The following C1QTNF3 variants were observed in gnomAD, a reference collection of about 807,000 sequenced individuals.
The protein encoded by C1QTNF3 is complement C1q tumor necrosis factor-related protein 3.
Under a neutral mutation model 32.6 loss-of-function variants are expected in C1QTNF3, and 26 were observed. That is an observed-to-expected ratio of 0.80 (90% CI 0.58 to 1.11). C1QTNF3 has a LOEUF of 1.11. Ranked by LOEUF, C1QTNF3 falls within the 50% of genes least tolerant of loss-of-function variation. C1QTNF3 has a pLI of 0.00. For missense variants in C1QTNF3, 362 were observed against 398.2 expected, an observed-to-expected ratio of 0.91 and a Z score of 0.77; for synonymous variants, 155 against 146.0, an observed-to-expected ratio of 1.06 and a Z score of -0.44.
the C1QTNF3 span, among the ~76,000 whole-genome samples, chr5:34,189,857 G>A: frequency 5.3e-5 from 8 of 151,234 alleles, no homozygotes; most frequent in East Asian, 1.9e-4. Context: ...ACAAACACCC[G>A]GACACTCGAC....
chr5:34,142,552 G>C, the C1QTNF3 span, among the ~76,000 whole-genome samples: 1 of 152,096 alleles, frequency 6.6e-6, no homozygotes, highest in African/African-American at 2.4e-5. Flanking sequence ...TCACACTGCA[G>C]AGCATGGCTG....
the C1QTNF3 span, among the ~76,000 whole-genome samples, chr5:34,154,190 G>T: frequency 1.3e-5 from 2 of 152,074 alleles, no homozygotes; most frequent in African/African-American, 4.8e-5. Context: ...ATTGAAATTT[G>T]TTAATATTTT....
rs546752403 is a variant in C1QTNF3, at chr5:34,030,472, T to C, written c.571-1589A>G. On this transcript the variant is annotated intron_variant, in intron 3 of 5. Coordinates refer to ENST00000382065, the MANE Select transcript of C1QTNF3 (RefSeq NM_181435.6). ...AATTAGTAATTGGGCCTCAAATTTC[T>C]ATATCCCCTAAGTGGAGAATGGGGT... 3.9e-5 allele frequency among the ~76,000 whole-genome samples: 6 copies of C among 152,226 alleles called. No individual in the cohort carries two copies. In the South Asian group the frequency reaches 1.0e-3, roughly 26 times the overall value.
At chr5:34,132,901 T>C in the C1QTNF3 span, among the ~76,000 whole-genome samples, 1 of 152,170 alleles carries the variant, frequency 6.6e-6, no homozygotes, top group Non-Finnish European at 1.5e-5. Flanking sequence ...TGAGACACAT[T>C]AATGAAGCCT....
At chr5:34,138,489 G>A in the C1QTNF3 span, among the ~76,000 whole-genome samples, 1 of 151,950 alleles carries the variant, frequency 6.6e-6, no homozygotes, top group African/African-American at 2.4e-5. Context: ...AGAAAGGTTT[G>A]AGTATTTGTT....
the C1QTNF3 span, among the ~76,000 whole-genome samples, chr5:34,120,536 T>C: frequency 6.6e-6 from 1 of 152,344 alleles, no homozygotes; most frequent in African/African-American, 2.4e-5. Context: ...AAATCTCATC[T>C]TGAACTATAG....
chr5:34,228,702 C>A, the C1QTNF3 span, among the ~76,000 whole-genome samples: 1 of 152,082 alleles, frequency 6.6e-6, no homozygotes. Flanking sequence ...CCAAGATCCA[C>A]ATAAAAAGAT....
chr5:34,068,096 A>T, the C1QTNF3 span, among the ~76,000 whole-genome samples: 1 of 152,272 alleles, frequency 6.6e-6, no homozygotes, highest in African/African-American at 2.4e-5. Flanking sequence ...ATTCTGACAA[A>T]CATATGCAGA....
At chr5:34,153,967 C>G in the C1QTNF3 span, among the ~76,000 whole-genome samples, 3 of 150,370 alleles carry the variant, frequency 2.0e-5, no homozygotes, top group Non-Finnish European at 4.4e-5. Context: ...ATACACATAC[C>G]AAATAATTAG....
At chr5:34,032,319 G>A (rs1276111926) in intron 3 of C1QTNF3, among the ~76,000 whole-genome samples, 1 of 152,164 alleles carries the variant, frequency 6.6e-6, no homozygotes, top group East Asian at 1.9e-4. Context: ...AAAAGAGAGA[G>A]AAAGAATAGG....
At chr5:34,141,158 C>G in the C1QTNF3 span, among the ~76,000 whole-genome samples, 1 of 151,762 alleles carries the variant, frequency 6.6e-6, no homozygotes, top group African/African-American at 2.4e-5. Context: ...CCCACTCTGT[C>G]GCCCAGGCTG....
chr5:34,154,013 CTTT>C, the C1QTNF3 span, among the ~76,000 whole-genome samples: 1 of 141,012 alleles, frequency 7.1e-6, no homozygotes, highest in Admixed American at 7.2e-5. Context: ...TTGAATTATA[CTTT>C]ATTAAACCTG....
the C1QTNF3 span, among the ~76,000 whole-genome samples, chr5:34,183,028 G>T: frequency 6.6e-6 from 1 of 151,886 alleles, no homozygotes; most frequent in East Asian, 1.9e-4. Flanking sequence ...ACCCAGGCTG[G>T]AGTGCAGTGG....
chr5:34,134,853 C>A, the C1QTNF3 span, among the ~76,000 whole-genome samples: 8 of 152,250 alleles, frequency 5.3e-5, no homozygotes, highest in South Asian at 1.7e-3. Context: ...AAATATACAA[C>A]CATGTCATCT....
chr5:34,127,821 T>G, the C1QTNF3 span, among the ~76,000 whole-genome samples: 1,942 of 151,670 alleles, frequency 0.013, 48 homozygotes, highest in African/African-American at 0.045. Flanking sequence ...GAATTTATGT[T>G]TAAAAGGAAA....
At chr5:34,213,811 T>TATATA in the C1QTNF3 span, among the ~76,000 whole-genome samples, 7 of 3,802 alleles carry the variant, frequency 1.8e-3, no homozygotes, top group African/African-American at 4.1e-3. Context: ...ATATATATAT[T>TATATA]TTTTTTTTTT....
chr5:34,212,074 G>C, the C1QTNF3 span, among the ~76,000 whole-genome samples: 1 of 152,004 alleles, frequency 6.6e-6, no homozygotes, highest in African/African-American at 2.4e-5. Flanking sequence ...CAATGGAACA[G>C]AACAGAGCCC....
At chr5:34,061,537 T>A in the C1QTNF3 span, among the ~76,000 whole-genome samples, 1 of 152,180 alleles carries the variant, frequency 6.6e-6, no homozygotes, top group Non-Finnish European at 1.5e-5. Flanking sequence ...GATATTTCCA[T>A]ATATCTTCTG....
the C1QTNF3 span, among the ~76,000 whole-genome samples, chr5:34,180,490 C>A: frequency 2.3e-3 from 346 of 148,572 alleles, no homozygotes; most frequent in African/African-American, 8.8e-3. Context: ...GCACTCCAGC[C>A]TGGGCAACAC....
Sources: allele counts gnomAD v4.1 joint callset (sites outside exome capture counted in the v4.1 genomes callset), GRCh38; gene constraint gnomAD v4.1.1; transcripts MANE v1.5; gene names NCBI Gene and HGNC (gene_info 2026-07-23, HGNC 2026-07-21).